The following SOX6 variants were observed in gnomAD, a reference collection of about 807,000 sequenced individuals.
The protein encoded by SOX6 is SRY-box transcription factor 6, also known as transcription factor SOX-6.
SOX6 carries 11 observed loss-of-function variants against 97.8 expected under a neutral mutation model. The ratio of observed to expected loss-of-function variants is 0.11; its 90% confidence interval spans 0.07 to 0.19. The LOEUF is 0.19. SOX6 is among the 10% of genes least tolerant of loss of function. The pLI is 1.00. For synonymous variants in SOX6, 360 were observed against 371.4 expected, an observed-to-expected ratio of 0.97 and a Z score of 0.35; for missense variants, 810 against 1,039.5, an observed-to-expected ratio of 0.78 and a Z score of 3.04.
At chr11:16,626,110 G>A in intron 3 of SOX6, among the ~76,000 whole-genome samples, 1 of 152,178 alleles carries the variant, frequency 6.6e-6, no homozygotes, top group East Asian at 1.9e-4. Context: ...TGAATTACAT[G>A]CTAGGACACC....
intron 11 of SOX6, among the ~76,000 whole-genome samples, chr11:16,048,264 A>T (rs1035200566): frequency 2.0e-5 from 3 of 152,200 alleles, no homozygotes; most frequent in Non-Finnish European, 2.9e-5. Flanking sequence ...AAATGATTTA[A>T]TTCTATCTTC....
chr11:16,077,105 T>C (rs1848374272), intron 9 of SOX6, among the ~76,000 whole-genome samples: 1 of 152,168 alleles, frequency 6.6e-6, no homozygotes, highest in African/African-American at 2.4e-5. Context: ...CTCACTATTA[T>C]GAGAACAGCA....
chr11:16,622,570 C>T (rs1387433050), intron 3 of SOX6, among the ~76,000 whole-genome samples: 3 of 152,208 alleles, frequency 2.0e-5, no homozygotes, highest in African/African-American at 7.2e-5. Context: ...GTCTCCAATT[C>T]CATCCAGCTT....
intron 1 of SOX6, among the ~76,000 whole-genome samples, chr11:16,435,755 G>GAA (rs568175341): frequency 7.0e-6 from 1 of 143,860 alleles, no homozygotes; most frequent in East Asian, 2.0e-4. Flanking sequence ...TTCAAATTGG[G>GAA]AAAAAAAAAA....
intron 12 of SOX6, among the ~76,000 whole-genome samples, chr11:16,040,611 G>T (rs1382635356): frequency 1.3e-5 from 2 of 151,974 alleles, no homozygotes; most frequent in Non-Finnish European, 2.9e-5. Context: ...TATCTAGATA[G>T]ACTTCTTTAG....
At chr11:16,560,532 T>C (rs1847800479) in intron 4 of SOX6, among the ~76,000 whole-genome samples, 1 of 104,574 alleles carries the variant, frequency 9.6e-6, no homozygotes, top group African/African-American at 3.2e-5. Flanking sequence ...TACGTACATA[T>C]ATGTTTATAC....
intron 9 of SOX6, among the ~76,000 whole-genome samples, chr11:16,092,791 G>C (rs1023880450): frequency 1.3e-5 from 2 of 150,972 alleles, no homozygotes; most frequent in African/African-American, 2.4e-5. Context: ...CAAAATTAAG[G>C]GTCTATCATA....
chr11:16,280,790 G>T (rs1028499789), intron 3 of SOX6, among the ~76,000 whole-genome samples: 1 of 152,020 alleles, frequency 6.6e-6, no homozygotes, highest in Non-Finnish European at 1.5e-5. Context: ...AAAGAAAGGT[G>T]TTCATATTGT....
At position 16,325,004 on chromosome 11, in the gene SOX6, T is replaced by C. The variant is rs143493018; in HGVS notation, c.238-6351A>G. ...ATAAGATCTACTGTTTGGTAGCACA[T>C]TATACATCATTAAAAAATTATGTAC... On this transcript the variant is annotated intron_variant, in intron 2 of 15. Coordinates refer to ENST00000683767, the MANE Select transcript of SOX6 (RefSeq NM_001367873.1). 3.5e-4 allele frequency among the ~76,000 whole-genome samples: 54 copies of C among 152,220 alleles called. 3 individuals are homozygous for C. In the East Asian group the frequency reaches 0.01, roughly 29 times the overall value.
chr11:16,191,763 C>T (rs980092535), intron 4 of SOX6, among the ~76,000 whole-genome samples: 2 of 152,184 alleles, frequency 1.3e-5, no homozygotes, highest in Admixed American at 6.5e-5. Context: ...TGCCTTTTAT[C>T]CAACATCACA....
At chr11:15,988,792 A>G (rs538389649) in intron 14 of SOX6, among the ~76,000 whole-genome samples, 1 of 152,342 alleles carries the variant, frequency 6.6e-6, no homozygotes, top group South Asian at 2.1e-4. Flanking sequence ...TGGATATAAT[A>G]ACTCCCAAAC....
chr11:16,054,730 C>G (rs749424037), intron 10 of SOX6, among the ~76,000 whole-genome samples: 1 of 152,180 alleles, frequency 6.6e-6, no homozygotes, highest in Non-Finnish European at 1.5e-5. Flanking sequence ...AAATGCAGTA[C>G]TTTAATCACA....
At chr11:16,190,270 A>C (rs1194611800) in intron 4 of SOX6, among the ~76,000 whole-genome samples, 2 of 152,230 alleles carry the variant, frequency 1.3e-5, no homozygotes, top group Admixed American at 1.3e-4. Flanking sequence ...ATGAGAATTT[A>C]AACACTCATA....
At chr11:16,155,570 C>G (rs992536604) in intron 6 of SOX6, among the ~76,000 whole-genome samples, 5 of 152,002 alleles carry the variant, frequency 3.3e-5, no homozygotes, top group African/African-American at 4.8e-5. Context: ...CAGTGGCAAA[C>G]AGTATTATTG....
intron 4 of SOX6, among the ~76,000 whole-genome samples, chr11:16,195,719 T>G (rs1370207876): frequency 6.6e-6 from 1 of 152,220 alleles, no homozygotes; most frequent in East Asian, 1.9e-4. Context: ...CTTCCTGGTT[T>G]CAGGCCCAAA....
chr11:16,231,406 G>C (rs1375226072), intron 4 of SOX6, among the ~76,000 whole-genome samples: 1 of 151,562 alleles, frequency 6.6e-6, no homozygotes, highest in Admixed American at 6.6e-5. Flanking sequence ...CTCACTAATA[G>C]TCAAAAAACT....
At chr11:16,008,288 C>T (rs899059720) in intron 13 of SOX6, among the ~76,000 whole-genome samples, 2 of 152,050 alleles carry the variant, frequency 1.3e-5, no homozygotes, top group Non-Finnish European at 2.9e-5. Flanking sequence ...AGATGCAGAA[C>T]TTGCAGATAC....
chr11:16,425,238 G>T (rs138842862), intron 1 of SOX6, among the ~76,000 whole-genome samples: 2 of 152,258 alleles, frequency 1.3e-5, no homozygotes, highest in East Asian at 3.9e-4. Flanking sequence ...GCTCTAATTT[G>T]CATCTGGTTA....
intron 1 of SOX6, among the ~76,000 whole-genome samples, chr11:16,375,647 G>A (rs757566461): frequency 6.6e-6 from 1 of 151,926 alleles, no homozygotes; most frequent in Non-Finnish European, 1.5e-5. Context: ...TTAAAGATTT[G>A]ACTAATCCCA....
Sources: gnomAD v4.1 joint callset for allele counts (sites outside exome capture counted in the v4.1 genomes callset) on GRCh38, gnomAD v4.1.1 for gene constraint, MANE v1.5 for transcripts, NCBI Gene and HGNC (gene_info 2026-07-23, HGNC 2026-07-21) for gene names.